The following HOOK1 variants were observed in gnomAD, a reference collection of about 807,000 sequenced individuals.
HOOK1 encodes protein Hook homolog 1.
In HOOK1, 60 loss-of-function variants were observed where a neutral mutation model predicts 112.8. The ratio of observed to expected loss-of-function variants is 0.53; its 90% confidence interval spans 0.43 to 0.66. HOOK1 has a LOEUF of 0.66. Among genes scored for constraint, HOOK1 ranks in the 30% least tolerant of loss-of-function variants. HOOK1 has a pLI of 0.00. For synonymous variants in HOOK1, 294 were observed against 283.8 expected (o/e 1.04, Z -0.36); for missense variants, 770 against 856.0 (o/e 0.90, Z 1.25).
At chr1:59,853,902 G>C (rs12077696) in intron 12 of HOOK1, among the ~76,000 whole-genome samples, 9,739 of 146,574 alleles carry the variant, frequency 0.066, 826 homozygotes, top group African/African-American at 0.2. Flanking sequence ...CATCTTTATA[G>C]ATTATAAACT....
chr1:59,844,168 T>C (rs2098402435), intron 9 of HOOK1, among the ~76,000 whole-genome samples: 1 of 152,024 alleles, frequency 6.6e-6, no homozygotes, highest in African/African-American at 2.4e-5. Flanking sequence ...GCAAGAATAC[T>C]ACAAGGAACT....
intron 8 of HOOK1, among the ~76,000 whole-genome samples, chr1:59,841,988 T>G (rs1271383693): frequency 6.6e-6 from 1 of 152,086 alleles, no homozygotes; most frequent in Non-Finnish European, 1.5e-5. Flanking sequence ...TGTGCCTGTC[T>G]CGCACCCTTC....
chr1:59,855,966 T>TATATATATATATATA (rs1553464155), intron 12 of HOOK1, among the ~76,000 whole-genome samples: 3 of 71,260 alleles, frequency 4.2e-5, no homozygotes, highest in East Asian at 3.6e-4. Flanking sequence ...ATATAAATTA[T>TATATATATATATATA]TATATATATA....
intron 3 of HOOK1, 113 bp downstream of exon 3, chr1:59,828,965 GTTTGAGT>G (rs983627294): frequency 7.7e-6 from 6 of 783,766 alleles, no homozygotes; most frequent in Non-Finnish European, 1.2e-5. Flanking sequence ...GTTGTGTATA[GTTTGAGT>G]TTTAACACAT....
At chr1:59,821,351 CAAGACGT>C (rs1457369222) in intron 1 of HOOK1, among the ~76,000 whole-genome samples, 1 of 152,168 alleles carries the variant, frequency 6.6e-6, no homozygotes, top group African/African-American at 2.4e-5. Flanking sequence ...CTTGATTCTT[CAAGACGT>C]AAGGCCAATT....
Position 59,873,555 on chromosome 1 carries a change from T to A in HOOK1, c.*590T>A, listed in dbSNP as rs1313642362. On this transcript the variant is annotated 3_prime_UTR_variant, in exon 22 of 22. Coordinates refer to ENST00000371208, the MANE Select transcript of HOOK1 (RefSeq NM_015888.6). ...GGAAGATCTGACAATTGGAATGACTTTGGAATAATAAAATTGACTAATTGG... is the reference window on the plus strand; with the variant it reads ...GGAAGATCTGACAATTGGAATGACTATGGAATAATAAAATTGACTAATTGG... 1 of 151,702 alleles carries A rather than the reference T, an allele frequency of 6.6e-6. No homozygotes were observed. The highest frequency in any genetic ancestry group is 1.5e-5 in the Non-Finnish European group (1 of 67,892). The allele number at this position is 151,702 out of a possible 1,614,324, so 9.4% of individuals were successfully genotyped here. A position where few individuals can be genotyped will look rare whatever the true frequency, so the allele number is the denominator to read the frequency against.
At chr1:59,817,947 C>T (rs2098382832) in intron 1 of HOOK1, among the ~76,000 whole-genome samples, 1 of 152,130 alleles carries the variant, frequency 6.6e-6, no homozygotes, top group Admixed American at 6.5e-5. Flanking sequence ...AATAAGACAC[C>T]AAATCAAAGT....
At chr1:59,840,444 G>T in intron 8 of HOOK1, 53 bp downstream of exon 8, 1 of 1,155,174 alleles carries the variant, frequency 8.7e-7, no homozygotes, top group Non-Finnish European at 1.2e-6. Context: ...GTTTACAGAA[G>T]ATTTTTATTG....
chr1:59,847,773 A>G (rs1386373444), intron 10 of HOOK1, among the ~76,000 whole-genome samples: 1 of 151,640 alleles, frequency 6.6e-6, no homozygotes, highest in Non-Finnish European at 1.5e-5. Flanking sequence ...TGTAACCATT[A>G]ATTTGGACCT....
intron 1 of HOOK1, among the ~76,000 whole-genome samples, chr1:59,816,194 A>G (rs923539045): frequency 4.6e-5 from 7 of 152,344 alleles, no homozygotes; most frequent in African/African-American, 1.2e-4. Flanking sequence ...TAATGCATCT[A>G]ATTCCAAAGA....
chr1:59,864,569 T>C, intron 16 of HOOK1, 63 bp from the exon 17 acceptor site: 1 of 1,004,140 alleles, frequency 1.0e-6, no homozygotes, highest in Non-Finnish European at 1.6e-6. Context: ...GAGATTTCGA[T>C]GTCTGGAAAA....
At position 59,848,316 on chromosome 1, in the gene HOOK1, G is replaced by C; in HGVS notation, c.931G>C (p.Ala311Pro). ...AATGCTTAGTCTTTATGATTATAGGGCTACCTCTGATAAAGCAAATAAACT... is the reference window on the plus strand; with the variant it reads ...AATGCTTAGTCTTTATGATTATAGGCCTACCTCTGATAAAGCAAATAAACT... ...ALKDEIDVLRATSDKANKLES... is the reference protein window; with the variant it reads ...ALKDEIDVLRPTSDKANKLES... The change falls in exon 11 of 22, where the codon GCT (alanine) becomes CCT (proline). Residue 311 changes from alanine to proline, a missense_variant and splice_region_variant. By Grantham distance (27) the Ala-to-Pro change is conservative (BLOSUM62 -1). This residue lies in a region of HOOK1 where 655 missense variants were observed against 725.9 expected (regional missense o/e 0.90). Transcript: ENST00000371208. 1 of 1,607,426 alleles carries C rather than the reference G, an allele frequency of 6.2e-7. No individual in the cohort carries two copies. Among genetic ancestry groups the C allele is most frequent in the Non-Finnish European group, 8.5e-7 (1 of 1,175,060 alleles).
intron 2 of HOOK1, among the ~76,000 whole-genome samples, chr1:59,826,547 A>G (rs1423664397): frequency 6.6e-6 from 1 of 152,222 alleles, no homozygotes; most frequent in East Asian, 1.9e-4. Context: ...AATGTAAGAC[A>G]AAAGGAATTA....
Position 59,834,819 on chromosome 1 carries a change from T to C in HOOK1, c.407-526T>C, listed in dbSNP as rs148529485. 2.8e-4 allele frequency among the ~76,000 whole-genome samples: 42 copies of C among 152,242 alleles called. 3 individuals are homozygous for C. The East Asian group carries it at 8.1e-3, about 29-fold the overall frequency. On this transcript the variant is annotated intron_variant, in intron 5 of 21. Coordinates refer to ENST00000371208, the MANE Select transcript of HOOK1 (RefSeq NM_015888.6). ...AGCCAACTTTTGGCTTTGATTCTAT[T>C]TTGTTTTTACTATTTAGTTTTGTTG... is the stretch of plus-strand genomic sequence containing the variant.
At chr1:59,846,326 C>G (rs1017363904) in intron 9 of HOOK1, among the ~76,000 whole-genome samples, 2 of 151,602 alleles carry the variant, frequency 1.3e-5, no homozygotes, top group Admixed American at 6.6e-5. Flanking sequence ...TTTTCTTGAT[C>G]ACTCTTGCTA....
At chr1:59,815,291 C>T in intron 1 of HOOK1, 111 bp downstream of exon 1, 1 of 969,044 alleles carries the variant, frequency 1.0e-6, no homozygotes, top group East Asian at 2.7e-5. Context: ...TCCCGGCGCA[C>T]CCTGCCCTTC....
At chr1:59,856,875 T>C (rs1221838181) in intron 12 of HOOK1, among the ~76,000 whole-genome samples, 2 of 152,176 alleles carry the variant, frequency 1.3e-5, no homozygotes, top group Non-Finnish European at 2.9e-5. Flanking sequence ...GCTGAGACAA[T>C]GCGGGCCCTC....
In HOOK1 at chr1:59,828,807, G is replaced by A; in HGVS notation, c.177G>A (p.Trp59Ter). The change falls in exon 3 of 22, where the codon TGG (tryptophan) becomes TGA (stop). Residue 59 changes from tryptophan (W) to a stop codon, truncating the protein, a stop_gained. Transcript: ENST00000371208. LOFTEE classifies it high-confidence loss of function. ...QIDAAWFNES[W>*]LSRIKEDVGD... ...ATGCAGCTTGGTTTAACGAATCTTG[G>A]TTAAGCCGAATTAAAGAGGATGTTG... 1.9e-6 allele frequency: 3 copies of A among 1,613,240 alleles called. No homozygotes were observed. The highest frequency in any genetic ancestry group is 2.5e-6 in the Non-Finnish European group (3 of 1,179,560).
At chr1:59,824,921 G>T (rs1156738964) in intron 2 of HOOK1, among the ~76,000 whole-genome samples, 2 of 152,202 alleles carry the variant, frequency 1.3e-5, no homozygotes, top group Non-Finnish European at 2.9e-5. Flanking sequence ...GCTTAAAACA[G>T]CAAAAATCAA....
Sources: gnomAD v4.1 joint callset for allele counts (sites outside exome capture counted in the v4.1 genomes callset) on GRCh38, gnomAD v4.1.1 for gene constraint, gnomAD v4.1.1 regional missense constraint, MANE v1.5 for transcripts, NCBI Gene and HGNC (gene_info 2026-07-23, HGNC 2026-07-21) for gene names.